The following KLHL1 variants were observed in gnomAD, a reference collection of about 807,000 sequenced individuals.
KLHL1 encodes kelch like family member 1.
In KLHL1, 47 loss-of-function variants were observed where a neutral mutation model predicts 77.7. The ratio of observed to expected loss-of-function variants is 0.60; its 90% CI spans 0.48 to 0.77. KLHL1 has a LOEUF of 0.77. Ranked by LOEUF, KLHL1 falls within the 30% of genes least tolerant of loss-of-function variation. KLHL1 has a pLI of 0.00. For synonymous variants in KLHL1, 360 were observed against 325.2 expected (o/e 1.11, Z -1.15); for missense variants, 925 against 910.8 (o/e 1.02, Z -0.20).
chr13:70,090,677 C>T (rs1190175067), intron 1 of KLHL1, among the ~76,000 whole-genome samples: 2 of 151,890 alleles, frequency 1.3e-5, no homozygotes, highest in Non-Finnish European at 2.9e-5. Context: ...CTATTTTCTC[C>T]CAAGTCAGAA....
intron 5 of KLHL1, among the ~76,000 whole-genome samples, chr13:69,854,136 A>G (rs1879797549): frequency 6.6e-6 from 1 of 152,068 alleles, no homozygotes; most frequent in Admixed American, 6.6e-5. Flanking sequence ...TTTATCAGGC[A>G]GTCTTAGTCC....
chr13:69,864,258 G>C (rs1880283694), intron 5 of KLHL1, among the ~76,000 whole-genome samples: 1 of 151,744 alleles, frequency 6.6e-6, no homozygotes, highest in South Asian at 2.1e-4. Flanking sequence ...AATAGTCTGT[G>C]CTATTAAAGC....
In KLHL1 at chr13:69,895,854, G is replaced by A. The variant is rs547108600; in HGVS notation, c.1015-13359C>T. 2.0e-5 allele frequency among the ~76,000 whole-genome samples: 3 copies of A among 151,814 alleles called. No homozygotes were observed. The South Asian group carries it at 6.2e-4, about 32-fold the overall frequency. On this transcript the variant is annotated intron_variant, in intron 4 of 10. Transcript: ENST00000377844. ...CCATAGTAGGTGAGACTACATGTGT[G>A]CACCACCATGCCTGGCTAATTATTG...
intron 1 of KLHL1, among the ~76,000 whole-genome samples, chr13:69,977,921 G>C (rs1008131408): frequency 6.6e-6 from 1 of 152,106 alleles, no homozygotes; most frequent in Non-Finnish European, 1.5e-5. Flanking sequence ...TATATCCACT[G>C]ATATTACCTG....
chr13:70,018,384 A>G (rs1477463415), intron 1 of KLHL1, among the ~76,000 whole-genome samples: 2 of 152,242 alleles, frequency 1.3e-5, no homozygotes, highest in East Asian at 3.8e-4. Context: ...CTGAATCTCC[A>G]TACCACCCTT....
chr13:70,059,320 G>A (rs1019131456), intron 1 of KLHL1, among the ~76,000 whole-genome samples: 2 of 151,994 alleles, frequency 1.3e-5, no homozygotes, highest in African/African-American at 4.8e-5. Context: ...ACTATGCCCA[G>A]CTAATTGTTT....
intron 1 of KLHL1, among the ~76,000 whole-genome samples, chr13:70,021,469 A>G (rs1885792034): frequency 6.6e-6 from 1 of 152,068 alleles, no homozygotes; most frequent in Admixed American, 6.6e-5. Context: ...GCTGCTATAA[A>G]CATACCTATG....
At chr13:69,895,147 C>T in intron 4 of KLHL1, 9 of 466,290 alleles carry the variant, frequency 1.9e-5, no homozygotes, top group Middle Eastern at 8.2e-4. Context: ...TGAATTCTTC[C>T]TCCATGAGAA....
chr13:69,882,482 T>A lies in KLHL1; in HGVS notation c.1028A>T (p.Glu343Val). Residue 343 changes from glutamate to valine, a missense_variant, in exon 5 of 11, where the codon GAA becomes GTA. Transcript: ENST00000377844. ...AHSYTMENIM[E>V]VIRNQEFLLL... ...TAAAAACTCTTGATTTCTGATAACT[T>A]CCATTATGTTTTCCTGCAGGGAGAA... The A allele has an allele frequency of 6.2e-7, 1 of 1,611,956 alleles. No individual in the cohort carries two copies. The highest frequency in any genetic ancestry group is 8.5e-7 in the Non-Finnish European group (1 of 1,178,108).
intron 4 of KLHL1, among the ~76,000 whole-genome samples, chr13:69,901,651 T>C (rs187287600): frequency 1.2e-4 from 19 of 152,330 alleles, no homozygotes; most frequent in Admixed American, 9.8e-4. Context: ...AATTTTTGAA[T>C]GTTGACCTAA....
chr13:70,054,000 G>A (rs1282649907), intron 1 of KLHL1, among the ~76,000 whole-genome samples: 2 of 152,042 alleles, frequency 1.3e-5, no homozygotes, highest in Non-Finnish European at 2.9e-5. Flanking sequence ...GGCCTTTGAT[G>A]GCATTTTGTT....
At chr13:69,874,725 T>C (rs1046865991) in intron 5 of KLHL1, among the ~76,000 whole-genome samples, 9 of 152,174 alleles carry the variant, frequency 5.9e-5, no homozygotes, top group Non-Finnish European at 1.3e-4. Context: ...TATGTAAAGA[T>C]GCTTATAAAC....
intron 5 of KLHL1, among the ~76,000 whole-genome samples, chr13:69,847,404 C>CAAAAAAAAAAAA (rs11357077): frequency 7.5e-5 from 11 of 145,850 alleles, no homozygotes; most frequent in African/African-American, 1.6e-4. Context: ...ACTGCATTAG[C>CAAAAAAAAAAAA]AAAAAAAAAA....
chr13:69,882,090 G>A (rs150572439), intron 5 of KLHL1, among the ~76,000 whole-genome samples, 193 bp downstream of exon 5: 3 of 152,120 alleles, frequency 2.0e-5, no homozygotes, highest in Admixed American at 6.5e-5. Context: ...GTCAATAAGC[G>A]GCAGAGATAG....
At chr13:69,734,142 T>C (rs906689351) in intron 8 of KLHL1, among the ~76,000 whole-genome samples, 3 of 152,172 alleles carry the variant, frequency 2.0e-5, no homozygotes, top group African/African-American at 7.2e-5. Flanking sequence ...CTATCCCTCT[T>C]GGTACTGTCC....
intron 3 of KLHL1, among the ~76,000 whole-genome samples, chr13:69,958,657 T>C (rs1883966960): frequency 6.6e-6 from 1 of 151,834 alleles, no homozygotes; most frequent in Non-Finnish European, 1.5e-5. Context: ...AACACATTGC[T>C]TCTACAGCTA....
intron 1 of KLHL1, among the ~76,000 whole-genome samples, chr13:70,091,674 T>G (rs1430244418): frequency 6.6e-6 from 1 of 152,164 alleles, no homozygotes; most frequent in African/African-American, 2.4e-5. Flanking sequence ...ATTTTACATG[T>G]TAGAACCTTT....
At chr13:69,990,490 T>A (rs1170311497) in intron 1 of KLHL1, among the ~76,000 whole-genome samples, 1 of 151,600 alleles carries the variant, frequency 6.6e-6, no homozygotes, top group Non-Finnish European at 1.5e-5. Context: ...ACCAAGCAAA[T>A]GGAAAACAGA....
chr13:69,925,815 G>A (rs1474669750), intron 4 of KLHL1, among the ~76,000 whole-genome samples: 3 of 152,130 alleles, frequency 2.0e-5, no homozygotes, highest in Non-Finnish European at 2.9e-5. Flanking sequence ...TCTCATTCAT[G>A]AGATAAATAT....
Sources: gnomAD v4.1 joint callset for allele counts (sites outside exome capture counted in the v4.1 genomes callset) on GRCh38, gnomAD v4.1.1 for gene constraint, MANE v1.5 for transcripts, NCBI Gene and HGNC (gene_info 2026-07-23, HGNC 2026-07-21) for gene names.